The following LRRFIP2 variants were observed in gnomAD, a reference collection of about 807,000 sequenced individuals.
LRRFIP2 encodes the protein leucine-rich repeat flightless-interacting protein 2.
LRRFIP2 carries 109 observed loss-of-function variants against 125.9 expected under a neutral mutation model. The ratio of observed to expected loss-of-function variants is 0.87; its 90% CI spans 0.74 to 1.01. The LOEUF is 1.01. Ranked by LOEUF, LRRFIP2 falls within the 50% of genes least tolerant of loss-of-function variation. The pLI is 0.00. For synonymous variants in LRRFIP2, 291 were observed against 293.1 expected (o/e 0.99, Z 0.07); for missense variants, 850 against 862.3 (o/e 0.99, Z 0.18).
intron 1 of LRRFIP2, among the ~76,000 whole-genome samples, chr3:37,171,272 T>C (rs2096583546): frequency 6.6e-6 from 1 of 152,154 alleles, no homozygotes; most frequent in Admixed American, 6.5e-5. Flanking sequence ...TTGCCACTGA[T>C]CCTAAACCGC....
chr3:37,127,199 G>C (rs1027113347), intron 4 of LRRFIP2, among the ~76,000 whole-genome samples: 1 of 152,090 alleles, frequency 6.6e-6, no homozygotes, highest in African/African-American at 2.4e-5. Flanking sequence ...ACAAATTTGA[G>C]AGTAGTGGTA....
At chr3:37,064,152 C>T (rs570406503) in intron 23 of LRRFIP2, 5 of 205,482 alleles carry the variant, frequency 2.4e-5, no homozygotes, top group African/African-American at 9.4e-5. Flanking sequence ...GAGCCCTTAG[C>T]GGGAGAGATC....
At position 37,072,878 on chromosome 3, in the gene LRRFIP2, T is replaced by G; in HGVS notation, c.1376A>C (p.Lys459Thr). 6.2e-7 allele frequency: 1 copy of G among 1,607,712 alleles called. No homozygotes were observed. Among genetic ancestry groups the G allele is most frequent in the Non-Finnish European group, 8.5e-7 (1 of 1,175,392 alleles). The change falls in exon 21 of 28, where the codon AAG becomes ACG. Residue 459 changes from lysine (K) to threonine (T), a missense_variant. Lys to Thr is a moderately conservative substitution (Grantham distance 78, BLOSUM62 -1). Coordinates refer to ENST00000336686, the MANE Select transcript of LRRFIP2 (RefSeq NM_006309.4). ...GTCTATTTTCTGCTGCATGCGCTGC[T>G]TCTCCTGCAGAGGAAGAGGGGAAGA... is the stretch of plus-strand genomic sequence containing the variant. The part of the protein sequence containing the change: ...LRQRDELIEE[K>T]QRMQQKIDTM...
At chr3:37,063,602 T>C in intron 24 of LRRFIP2, 140 bp downstream of exon 24, 1 of 700,730 alleles carries the variant, frequency 1.4e-6, no homozygotes, top group Non-Finnish European at 2.5e-6. Flanking sequence ...AGGTAAAATA[T>C]GAATTATCTA....
chr3:37,149,388 A>G (rs1013156028), intron 1 of LRRFIP2, among the ~76,000 whole-genome samples: 35 of 152,052 alleles, frequency 2.3e-4, no homozygotes, highest in Non-Finnish European at 4.3e-4. Context: ...AGGGTGGTGC[A>G]TGTCTGTAAT....
At chr3:37,127,563 T>C in intron 4 of LRRFIP2, 67 bp downstream of exon 4, 2 of 1,507,558 alleles carry the variant, frequency 1.3e-6, no homozygotes, top group Admixed American at 3.4e-5. Flanking sequence ...TTAGTTAATG[T>C]TTTACTTCAA....
At chr3:37,097,968 G>A (rs2093808188) in intron 15 of LRRFIP2, among the ~76,000 whole-genome samples, 1 of 152,156 alleles carries the variant, frequency 6.6e-6, no homozygotes, top group Admixed American at 6.5e-5. Flanking sequence ...ATCTAGAGAA[G>A]AGATCTGAAA....
intron 17 of LRRFIP2, among the ~76,000 whole-genome samples, chr3:37,091,945 A>G (rs2093465485): frequency 6.6e-6 from 1 of 152,228 alleles, no homozygotes; most frequent in Admixed American, 6.5e-5. Context: ...CAGTAAATTA[A>G]TAAGAGGTGG....
At chr3:37,114,536 A>C (rs1035242614) in intron 7 of LRRFIP2, among the ~76,000 whole-genome samples, 5 of 152,168 alleles carry the variant, frequency 3.3e-5, no homozygotes, top group Non-Finnish European at 7.4e-5. Flanking sequence ...TAATCCCATC[A>C]CTTTGGGAGG....
intron 19 of LRRFIP2, among the ~76,000 whole-genome samples, chr3:37,077,242 G>A (rs972608449): frequency 6.6e-6 from 1 of 152,080 alleles, no homozygotes; most frequent in Non-Finnish European, 1.5e-5. Flanking sequence ...TATTTCTACA[G>A]GACTATTTTT....
In LRRFIP2 at chr3:37,052,920, GAGA is replaced by G. The variant is rs945659844; in HGVS notation, c.*928_*930del. The G allele has an allele frequency of 2.0e-5, 3 of 152,300 alleles. No individual in the cohort carries two copies. The highest frequency in any genetic ancestry group is 1.9e-4 in the East Asian group (1 of 5,188). 9.4% of individuals were successfully genotyped at this position (152,300 alleles called of 1,614,324 possible). A position where few individuals can be genotyped will look rare whatever the true frequency, so the allele number is the denominator to read the frequency against. ...TCTACATTCCAGATTGTTTTTCCTT[GAGA>G]AGGAGACAAAAGAAGAGGGATGTGG... On this transcript the variant is annotated 3_prime_UTR_variant, in exon 28 of 28. Coordinates refer to ENST00000336686, the MANE Select transcript of LRRFIP2 (RefSeq NM_006309.4).
intron 18 of LRRFIP2, among the ~76,000 whole-genome samples, chr3:37,084,754 G>A (rs973938575): frequency 6.6e-6 from 1 of 151,704 alleles, no homozygotes. Context: ...TGCCTGGAAC[G>A]TTACATATCT....
intron 1 of LRRFIP2, among the ~76,000 whole-genome samples, chr3:37,169,381 T>C (rs1416387938): frequency 6.6e-6 from 1 of 152,198 alleles, no homozygotes; most frequent in African/African-American, 2.4e-5. Flanking sequence ...TTTCCTTGAC[T>C]GTTCACCTAG....
intron 19 of LRRFIP2, among the ~76,000 whole-genome samples, chr3:37,080,048 C>G (rs1011577067): frequency 1.3e-5 from 2 of 152,154 alleles, no homozygotes. Flanking sequence ...GAATTGTACA[C>G]TTTAAATGGA....
intron 18 of LRRFIP2, among the ~76,000 whole-genome samples, chr3:37,091,209 G>A (rs1191466047): frequency 6.9e-6 from 1 of 144,380 alleles, no homozygotes. Flanking sequence ...GATCCTGTCT[G>A]TACAAGAAAA....
intron 17 of LRRFIP2, among the ~76,000 whole-genome samples, chr3:37,094,469 A>G (rs1306218131): frequency 6.6e-6 from 1 of 152,192 alleles, no homozygotes; most frequent in Non-Finnish European, 1.5e-5. Flanking sequence ...GTACACTCAC[A>G]TATTTTCCAT....
At chr3:37,112,338 AAAAGAAAAAAAAAAAG>A in intron 8 of LRRFIP2, among the ~76,000 whole-genome samples, 1 of 150,694 alleles carries the variant, frequency 6.6e-6, no homozygotes, top group Non-Finnish European at 1.5e-5. Flanking sequence ...CCATCTCAAA[AAAAGAAAAAAAAAAAG>A]AAAAGAAAAA....
intron 19 of LRRFIP2, among the ~76,000 whole-genome samples, chr3:37,076,921 A>G (rs1043264058): frequency 2.6e-5 from 4 of 152,180 alleles, no homozygotes; most frequent in Admixed American, 6.5e-5. Context: ...GCATAGAATA[A>G]TAAGCTACGG....
intron 1 of LRRFIP2, among the ~76,000 whole-genome samples, chr3:37,173,701 A>G (rs978559224): frequency 1.3e-5 from 2 of 152,208 alleles, no homozygotes; most frequent in African/African-American, 4.8e-5. Context: ...CACTGCAAGA[A>G]TTATTTTTTT....
Sources: gnomAD v4.1 joint callset for allele counts (sites outside exome capture counted in the v4.1 genomes callset) on GRCh38, gnomAD v4.1.1 for gene constraint, MANE v1.5 for transcripts, NCBI Gene and HGNC (gene_info 2026-07-23, HGNC 2026-07-21) for gene names.